The following TBP variants were observed in gnomAD, a reference collection of about 807,000 sequenced individuals.
TBP encodes the protein TATA-box binding protein.
In TBP, 12 loss-of-function variants were observed where a neutral mutation model predicts 46.2. That is an observed-to-expected ratio of 0.26 (90% CI 0.17 to 0.42). The LOEUF (loss-of-function observed/expected upper bound fraction) is 0.42, where lower values mean the gene tolerates loss of function less well. Among genes scored for constraint, TBP ranks in the 10% least tolerant of loss-of-function variants. The pLI is 1.00. For synonymous variants in TBP, 157 were observed against 148.3 expected (o/e 1.06, Z -0.42); for missense variants, 229 against 403.1 (o/e 0.57, Z 3.70).
chr6:170,560,728 G>A (rs181654101), intron 2 of TBP, among the ~76,000 whole-genome samples: 154 of 152,348 alleles, frequency 1.0e-3, no homozygotes, highest in African/African-American at 3.4e-3. Flanking sequence ...GAAATAGCAA[G>A]TGAACTAGAA....
chr6:170,567,973 C>G (rs530424493), intron 5 of TBP, among the ~76,000 whole-genome samples: 1 of 152,258 alleles, frequency 6.6e-6, no homozygotes, highest in South Asian at 2.1e-4. Flanking sequence ...ATTAAATGTA[C>G]TTGGAGGTAT....
chr6:170,564,640 C>A lies in TBP; in HGVS notation c.585+8C>A. 1.3e-6 allele frequency: 2 copies of A among 1,584,766 alleles called. No homozygotes were observed. Among genetic ancestry groups the A allele is most frequent in the Admixed American group, 1.7e-5 (1 of 57,930 alleles). ...GCCGAATATAATCCCAAGGTTAGAT[C>A]TATTTTAATGTATTTCTTTTTTTTT... is the stretch of plus-strand genomic sequence containing the variant. On this transcript the variant is annotated splice_region_variant and intron_variant, in intron 4 of 7. Transcript: ENST00000392092.
chr6:170,556,255 G>T (rs1305656002), intron 1 of TBP, among the ~76,000 whole-genome samples: 2 of 152,156 alleles, frequency 1.3e-5, no homozygotes, highest in South Asian at 4.1e-4. Flanking sequence ...AGTGAGTAAA[G>T]CGATGATGAT....
At chr6:170,554,969 A>G (rs956509226) in intron 1 of TBP, among the ~76,000 whole-genome samples, 1 of 152,214 alleles carries the variant, frequency 6.6e-6, no homozygotes, top group Non-Finnish European at 1.5e-5. Flanking sequence ...TCAGGCCATC[A>G]TGGTTTTCCA....
At position 170,561,912 on chromosome 6, in the gene TBP, A is replaced by G; in HGVS notation, c.176A>G (p.Gln59Arg). ...LSILEEQQRQQQQQQQQQQQQ... is the reference protein window; with the variant it reads ...LSILEEQQRQRQQQQQQQQQQ... The stretch of plus-strand genomic sequence containing the variant: ...ATTTTGGAAGAGCAACAAAGGCAGC[A>G]GCAGCAACAACAACAGCAGCAGCAG... The change falls in exon 3 of 8, where the codon CAG (glutamine) becomes CGG (arginine). Residue 59 changes from glutamine (Q) to arginine (R), a missense_variant. Around this residue, in one of 4 missense-constraint regions of TBP, gnomAD observed 49 missense variants for 94.7 expected, o/e 0.52. Transcript: ENST00000392092. The G allele has an allele frequency of 6.3e-7, 1 of 1,584,512 alleles. No individual in the cohort carries two copies. The highest frequency in any genetic ancestry group is 8.5e-7 in the Non-Finnish European group (1 of 1,173,794).
chr6:170,565,032 CTGTAATCCCGGCTACT>C (rs71010674), intron 4 of TBP, among the ~76,000 whole-genome samples: 51,324 of 151,922 alleles, frequency 0.34, 9,980 homozygotes, highest in East Asian at 0.73. Flanking sequence ...TGGCATGCGC[CTGTAATCCCGGCTACT>C]TGGGAGGCTG....
chr6:170,557,234 C>T (rs972820581), intron 2 of TBP, 151 bp downstream of exon 2: 1 of 705,262 alleles, frequency 1.4e-6, no homozygotes, highest in Non-Finnish European at 2.4e-6. Context: ...TTCTATTAGG[C>T]TTTGAATAGG....
chr6:170,562,510 T>A (rs1019221369), intron 3 of TBP, among the ~76,000 whole-genome samples: 1 of 152,202 alleles, frequency 6.6e-6, no homozygotes, highest in Non-Finnish European at 1.5e-5. Flanking sequence ...TCGTTATTAT[T>A]ATATTATAGA....
intron 3 of TBP, among the ~76,000 whole-genome samples, chr6:170,563,972 C>A (rs144068492): frequency 1.6e-4 from 25 of 151,968 alleles, no homozygotes; most frequent in African/African-American, 5.5e-4. Flanking sequence ...TCAGTGGACC[C>A]AGATGGCTCC....
At chr6:170,563,933 G>T (rs1779195752) in intron 3 of TBP, among the ~76,000 whole-genome samples, 2 of 152,254 alleles carry the variant, frequency 1.3e-5, no homozygotes, top group Admixed American at 6.5e-5. Context: ...TTCGTTAAGT[G>T]ATTTAAGAAC....
At chr6:170,555,514 G>A (rs187959507) in intron 1 of TBP, among the ~76,000 whole-genome samples, 223 of 152,264 alleles carry the variant, frequency 1.5e-3, no homozygotes, top group Non-Finnish European at 2.7e-3. Flanking sequence ...CCTGCATACT[G>A]CATGCTTTTT....
At position 170,572,303 on chromosome 6, in the gene TBP, T is replaced by A; in HGVS notation, c.*38T>A. On this transcript the variant is annotated 3_prime_UTR_variant, in exon 8 of 8. Coordinates refer to ENST00000392092, the MANE Select transcript of TBP (RefSeq NM_003194.5). ...ACCCTTGCCTCCCCCACCCCCTTCT[T>A]TTTTTTTTTTTAAACAAATCAGTTT... 1 of 1,244,028 alleles carries A rather than the reference T, an allele frequency of 8.0e-7. No individual in the cohort carries two copies. Among genetic ancestry groups the A allele is most frequent in the Non-Finnish European group, 1.1e-6 (1 of 895,808 alleles). The allele number at this position is 1,244,028 out of a possible 1,614,324, so 77.1% of individuals were successfully genotyped here.
At position 170,571,378 on chromosome 6, in the gene TBP, G is replaced by C. The variant is rs377297576; in HGVS notation, c.846-32G>C. ...TTATCTAAAAGCACACAAAGCTCTT[G>C]ATTTCTAAACTTTTTGCAATTTTCC... On this transcript the variant is annotated intron_variant, in intron 6 of 7. Coordinates refer to ENST00000392092, the MANE Select transcript of TBP (RefSeq NM_003194.5). 22 of 1,515,544 alleles carry C rather than the reference G, an allele frequency of 1.5e-5. No homozygotes were observed. The African/African-American group carries it at 3.0e-4, about 21-fold the overall frequency. The allele number at this position is 1,515,544 out of a possible 1,614,324, so 93.9% of individuals were successfully genotyped here. A position where few individuals can be genotyped will look rare whatever the true frequency, so the allele number is the denominator to read the frequency against.
At position 170,561,856 on chromosome 6, in the gene TBP, A is replaced by C. The variant is rs1228893947; in HGVS notation, c.120A>C (p.Pro40=). The C allele has an allele frequency of 1.2e-6, 2 of 1,614,020 alleles. No individual in the cohort carries two copies. The highest frequency in any genetic ancestry group is 2.2e-5 in the South Asian group (2 of 91,078). Residue 40 remains proline (P), a synonymous_variant, in exon 3 of 8, where the codon CCA becomes CCC. Transcript: ENST00000392092. The part of the protein sequence containing the change: ...PMMPYGTGLT[P]QPIQNTNSLS... ...TGCCTTATGGCACTGGACTGACCCC[A>C]CAGCCTATTCAGAACACCAATAGTC...
rs1156940638 is a variant in TBP, at chr6:170,562,014, A to G, written c.278A>G (p.Gln93Arg). 1 of 1,599,826 alleles carries G rather than the reference A, an allele frequency of 6.3e-7. No homozygotes were observed. The highest frequency in any genetic ancestry group is 2.3e-5 in the East Asian group (1 of 44,330). ...QQQQQQQQQQ[Q>R]QQAVAAAAVQ... Reference sequence around the variant, plus strand: ...CAGCAGCAGCAGCAGCAGCAGCAGCAGCAACAGGCAGTGGCAGCTGCAGCC... The same window carrying G: ...CAGCAGCAGCAGCAGCAGCAGCAGCGGCAACAGGCAGTGGCAGCTGCAGCC... Residue 93 changes from glutamine to arginine, a missense_variant, in exon 3 of 8, where the codon CAG becomes CGG. Gln to Arg is a conservative substitution (Grantham distance 43). Coordinates refer to ENST00000392092, the MANE Select transcript of TBP (RefSeq NM_003194.5).
chr6:170,564,969 C>T (rs1779217251), intron 4 of TBP, among the ~76,000 whole-genome samples: 1 of 152,042 alleles, frequency 6.6e-6, no homozygotes, highest in African/African-American at 2.4e-5. Context: ...CCATCCTGGC[C>T]AACATAGTGA....
intron 4 of TBP, 106 bp from the exon 5 acceptor site, chr6:170,566,812 C>G: frequency 1.2e-6 from 1 of 803,634 alleles, no homozygotes; most frequent in Non-Finnish European, 2.1e-6. Context: ...ACTAGATGTA[C>G]TATGTCCTTC....
At position 170,572,677 on chromosome 6, in the gene TBP, A is replaced by G. The variant is rs1562363767; in HGVS notation, c.*412A>G. 2 of 172,104 alleles carry G rather than the reference A, an allele frequency of 1.2e-5. No homozygotes were observed. Among genetic ancestry groups the G allele is most frequent in the African/African-American group, 4.8e-5 (2 of 41,854 alleles). The allele number at this position is 172,104 out of a possible 1,614,324, so 10.7% of individuals were successfully genotyped here. On this transcript the variant is annotated 3_prime_UTR_variant, in exon 8 of 8. Transcript: ENST00000392092. ...TTATATTTCTACCAGAAAAGTAAAA[A>G]TCTTTTTTAAAAGTGTTGTTTTTCT...
At chr6:170,564,688 G>A in intron 4 of TBP, 56 bp downstream of exon 4, 5 of 1,218,916 alleles carry the variant, frequency 4.1e-6, no homozygotes, top group Non-Finnish European at 3.5e-6. Flanking sequence ...CCTCTGCCGT[G>A]TCTCTATATT....
Sources: allele counts gnomAD v4.1 joint callset (sites outside exome capture counted in the v4.1 genomes callset), GRCh38; gene constraint gnomAD v4.1.1; regional missense constraint gnomAD v4.1.1; transcripts MANE v1.5; gene names NCBI Gene and HGNC (gene_info 2026-07-23, HGNC 2026-07-21).